Variants in KCNK2 observed in about 807,000 individuals in gnomAD.
KCNK2 encodes the protein potassium channel subfamily K member 2.
Under a neutral mutation model 40.5 loss-of-function variants are expected in KCNK2, and 21 were observed. That is an observed-to-expected ratio of 0.52 (90% CI 0.37 to 0.75). The LOEUF (loss-of-function observed/expected upper bound fraction) is 0.75. Ranked by LOEUF, KCNK2 falls within the 30% of genes least tolerant of loss-of-function variation. KCNK2 has a pLI of 0.00. For synonymous variants in KCNK2, 191 were observed against 202.2 expected (o/e 0.94, Z 0.47); for missense variants, 399 against 531.6 (o/e 0.75, Z 2.45).
chr1:215,091,184 AG>A (rs1659679415), intron 2 of KCNK2, among the ~76,000 whole-genome samples: 1 of 152,198 alleles, frequency 6.6e-6, no homozygotes, highest in Admixed American at 6.5e-5. Flanking sequence ...CTTGATTTTA[AG>A]GTGCCTCATA....
At chr1:215,035,589 C>T (rs1657356412) in intron 1 of KCNK2, among the ~76,000 whole-genome samples, 1 of 152,014 alleles carries the variant, frequency 6.6e-6, no homozygotes, top group Non-Finnish European at 1.5e-5. Flanking sequence ...CACAAATCAC[C>T]TGAGTAGTAA....
At chr1:215,058,088 G>A (rs1489289708) in intron 1 of KCNK2, among the ~76,000 whole-genome samples, 1 of 152,074 alleles carries the variant, frequency 6.6e-6, no homozygotes, top group African/African-American at 2.4e-5. Context: ...GGGAAAAGGA[G>A]AACATGAGAA....
intron 2 of KCNK2, among the ~76,000 whole-genome samples, chr1:215,100,133 G>T (rs866846199): frequency 1.3e-5 from 2 of 151,828 alleles, no homozygotes; most frequent in Non-Finnish European, 2.9e-5. Context: ...GAGGGCAGAG[G>T]TACCTCATTT....
chr1:215,139,761 T>C (rs1175190041), intron 3 of KCNK2, among the ~76,000 whole-genome samples: 2 of 152,164 alleles, frequency 1.3e-5, no homozygotes, highest in African/African-American at 4.8e-5. Flanking sequence ...TATATATGTA[T>C]GAGTTAATCC....
At chr1:215,031,015 G>C (rs1455962387) in intron 1 of KCNK2, among the ~76,000 whole-genome samples, 1 of 151,920 alleles carries the variant, frequency 6.6e-6, no homozygotes, top group South Asian at 2.1e-4. Context: ...TTTCTCCATT[G>C]TATTTCCTTT....
Position 215,086,438 on chromosome 1 carries a change from G to A in KCNK2, c.117G>A (p.Thr39=), listed in dbSNP as rs1659443649. Residue 39 remains threonine (T), a synonymous_variant, in exon 2 of 7, where the codon ACG becomes ACA. Transcript: ENST00000444842. ...QNSKPRLSFS[T]KPTVLASRVE... ...CCAAACCGAGGCTCTCGTTTTCCAC[G>A]AAACCCACAGTGCTTGCTTCCCGGG... The A allele has an allele frequency of 2.5e-6, 4 of 1,614,080 alleles. No homozygotes were observed. The highest frequency in any genetic ancestry group is 2.5e-6 in the Non-Finnish European group (3 of 1,180,006).
intron 3 of KCNK2, among the ~76,000 whole-genome samples, chr1:215,135,441 A>G (rs530119128): frequency 3.9e-5 from 6 of 152,158 alleles, no homozygotes; most frequent in Non-Finnish European, 5.9e-5. Flanking sequence ...TTTATTATTG[A>G]CTAATTTTTA....
Position 215,181,452 on chromosome 1 carries a change from G to A in KCNK2, c.823+9269G>A, listed in dbSNP as rs57048641. ...ATTTTTTCATGGTGCCAGAATTCTTGCCCTGGTTCTTTCTCATCTGGAGAC... is the reference window on the plus strand; with the variant it reads ...ATTTTTTCATGGTGCCAGAATTCTTACCCTGGTTCTTTCTCATCTGGAGAC... On this transcript the variant is annotated intron_variant, in intron 5 of 6. Coordinates refer to ENST00000444842, the MANE Select transcript of KCNK2 (RefSeq NM_001017425.3). 5.5e-3 allele frequency among the ~76,000 whole-genome samples: 830 copies of A among 152,172 alleles called. 5 individuals are homozygous for A. The highest frequency in any genetic ancestry group is 0.019 in the African/African-American group (794 of 41,532).
chr1:215,014,395 G>C (rs1656511393), intron 1 of KCNK2, among the ~76,000 whole-genome samples: 1 of 151,288 alleles, frequency 6.6e-6, no homozygotes, highest in Non-Finnish European at 1.5e-5. Flanking sequence ...CCTTTCTCCT[G>C]CTTGGTGTCA....
intron 2 of KCNK2, among the ~76,000 whole-genome samples, chr1:215,113,750 C>T (rs1305139787): frequency 2.6e-5 from 4 of 152,132 alleles, no homozygotes; most frequent in African/African-American, 7.2e-5. Flanking sequence ...TGTGCAACAC[C>T]ACGCCCAGAT....
chr1:215,044,814 TGTGTGTGTGTGTGCGCGCGCACAC>T (rs1657693561), intron 1 of KCNK2, among the ~76,000 whole-genome samples: 1 of 57,768 alleles, frequency 1.7e-5, no homozygotes, highest in African/African-American at 5.1e-5. Flanking sequence ...TGTGTGTGTG[TGTGTGTGTGTGTGCGCGCGCACAC>T]GTGTGTTGAT....
At chr1:215,180,760 A>C (rs1415939491) in intron 5 of KCNK2, among the ~76,000 whole-genome samples, 1 of 151,972 alleles carries the variant, frequency 6.6e-6, no homozygotes, top group Admixed American at 6.6e-5. Context: ...CTTATATATG[A>C]TTTGACCTTT....
intron 1 of KCNK2, among the ~76,000 whole-genome samples, chr1:215,065,217 G>T (rs1421447616): frequency 6.6e-6 from 1 of 152,154 alleles, no homozygotes; most frequent in Non-Finnish European, 1.5e-5. Context: ...CTAATTTGTA[G>T]AAGCCCTGAG....
intron 6 of KCNK2, among the ~76,000 whole-genome samples, chr1:215,226,451 G>T (rs544406678): frequency 6.6e-6 from 1 of 152,136 alleles, no homozygotes; most frequent in African/African-American, 2.4e-5. Context: ...TCAGCCTCCT[G>T]GGTAGCTGGG....
chr1:215,165,125 C>T (rs528883509), intron 3 of KCNK2, among the ~76,000 whole-genome samples: 2 of 152,254 alleles, frequency 1.3e-5, no homozygotes, highest in Non-Finnish European at 2.9e-5. Flanking sequence ...CTCTTATAGT[C>T]CTTTACTCTA....
At chr1:215,133,570 C>G (rs1447162371) in intron 3 of KCNK2, among the ~76,000 whole-genome samples, 2 of 150,942 alleles carry the variant, frequency 1.3e-5, no homozygotes, top group Non-Finnish European at 2.9e-5. Flanking sequence ...ATGTTCAGGC[C>G]TGTCTACTTT....
chr1:215,115,802 A>G (rs1190678826), intron 2 of KCNK2, among the ~76,000 whole-genome samples: 1 of 16,730 alleles, frequency 6.0e-5, no homozygotes, highest in East Asian at 1.6e-3. Context: ...AAAGATAGAC[A>G]AAGATTAATG....
intron 6 of KCNK2, among the ~76,000 whole-genome samples, chr1:215,211,409 C>G (rs762331437): frequency 7.9e-5 from 12 of 152,090 alleles, no homozygotes; most frequent in Admixed American, 5.2e-4. Flanking sequence ...ATGGGGCCCA[C>G]CTTGGCCATT....
chr1:215,165,330 A>C (rs1173892256), intron 3 of KCNK2, among the ~76,000 whole-genome samples: 1 of 152,116 alleles, frequency 6.6e-6, no homozygotes, highest in Non-Finnish European at 1.5e-5. Context: ...CAATTCCTTC[A>C]ACTTTTATAT....
Sources: gnomAD v4.1 joint callset for allele counts (sites outside exome capture counted in the v4.1 genomes callset) on GRCh38, gnomAD v4.1.1 for gene constraint, MANE v1.5 for transcripts, NCBI Gene and HGNC (gene_info 2026-07-23, HGNC 2026-07-21) for gene names.